TAF4B: variants seen among roughly 807,000 people sequenced by gnomAD.
TAF4B encodes the protein transcription initiation factor TFIID subunit 4B.
Under a neutral mutation model 86.4 loss-of-function variants are expected in TAF4B, and 38 were observed. The ratio of observed to expected loss-of-function variants is 0.44; its 90% CI spans 0.34 to 0.58. TAF4B has a LOEUF of 0.58. Among genes scored for constraint, TAF4B ranks in the 20% least tolerant of loss-of-function variants. The probability of loss-of-function intolerance (pLI) is 0.02; values close to 1 mark genes in which losing one functional copy is unlikely to be tolerated. For synonymous variants in TAF4B, 388 were observed against 391.2 expected (o/e 0.99, Z 0.10); for missense variants, 988 against 1,027.6 (o/e 0.96, Z 0.53).
chr18:26,285,237 G>T (rs201460903), intron 6 of TAF4B, among the ~76,000 whole-genome samples: 39 of 8,294 alleles, frequency 4.7e-3, no homozygotes, highest in Middle Eastern at 0.1. Context: ...TTTTTTTTTT[G>T]GAGATGGGGT....
At chr18:26,304,234 G>A (rs946681694) in intron 9 of TAF4B, among the ~76,000 whole-genome samples, 1 of 132,500 alleles carries the variant, frequency 7.5e-6, no homozygotes, top group African/African-American at 2.8e-5. Context: ...TAAAATATAT[G>A]TTCACATTTA....
At chr18:26,237,580 T>A (rs1175533727) in intron 1 of TAF4B, among the ~76,000 whole-genome samples, 1 of 152,128 alleles carries the variant, frequency 6.6e-6, no homozygotes. Flanking sequence ...AGGGGAGCTG[T>A]AGGGAAGCTA....
At chr18:26,288,604 C>T (rs1045547349) in intron 7 of TAF4B, among the ~76,000 whole-genome samples, 1 of 152,144 alleles carries the variant, frequency 6.6e-6, no homozygotes, top group Non-Finnish European at 1.5e-5. Flanking sequence ...CACAGCACTA[C>T]AGCCTGGGTG....
At chr18:26,319,023 A>G (rs189389891) in intron 10 of TAF4B, among the ~76,000 whole-genome samples, 20 of 151,828 alleles carry the variant, frequency 1.3e-4, no homozygotes, top group Admixed American at 3.9e-4. Flanking sequence ...GTGAGACCCA[A>G]TCTCTACAAA....
chr18:26,297,049 G>A (rs992085093), intron 9 of TAF4B, among the ~76,000 whole-genome samples: 4 of 151,700 alleles, frequency 2.6e-5, no homozygotes, highest in Non-Finnish European at 5.9e-5. Flanking sequence ...TGAGGCAGGA[G>A]AATCAGTTGA....
intron 13 of TAF4B, among the ~76,000 whole-genome samples, chr18:26,346,873 ATGTGTATATATATATATATATATATATG>A (rs2057198710): frequency 2.4e-4 from 3 of 12,288 alleles, no homozygotes; most frequent in Non-Finnish European, 3.7e-4. Flanking sequence ...ATATATATAT[ATGTGTATATATATATATATATATATATG>A]TGTGTGTATA....
chr18:26,344,662 A>T (rs1004607540), intron 13 of TAF4B, among the ~76,000 whole-genome samples: 1 of 152,244 alleles, frequency 6.6e-6, no homozygotes, highest in African/African-American at 2.4e-5. Flanking sequence ...CTGCTTTTGA[A>T]TTAAAGTATG....
At chr18:26,346,759 G>GTGTGTATATA (rs1202008455) in intron 13 of TAF4B, among the ~76,000 whole-genome samples, 2 of 27,140 alleles carry the variant, frequency 7.4e-5, no homozygotes, top group African/African-American at 1.9e-4. Context: ...ATATATGTGT[G>GTGTGTATATA]TATATATATA....
chr18:26,323,526 A>AT (rs11310174), intron 11 of TAF4B, among the ~76,000 whole-genome samples: 33 of 130,692 alleles, frequency 2.5e-4, no homozygotes, highest in African/African-American at 7.6e-4. Context: ...CACCCAACTA[A>AT]TTTTTTTTTT....
At chr18:26,358,466 T>C (rs2057305387) in intron 14 of TAF4B, among the ~76,000 whole-genome samples, 1 of 152,174 alleles carries the variant, frequency 6.6e-6, no homozygotes, top group South Asian at 2.1e-4. Flanking sequence ...ATCCCAGCAC[T>C]TTGGGAGGCC....
At chr18:26,307,351 G>C in intron 9 of TAF4B, among the ~76,000 whole-genome samples, 1 of 151,974 alleles carries the variant, frequency 6.6e-6, no homozygotes, top group East Asian at 1.9e-4. Context: ...GGTGAATTTG[G>C]GAAGCTGTAT....
At chr18:26,313,939 A>T (rs983039851) in intron 9 of TAF4B, among the ~76,000 whole-genome samples, 1 of 152,148 alleles carries the variant, frequency 6.6e-6, no homozygotes, top group East Asian at 1.9e-4. Flanking sequence ...GAGTACTGGA[A>T]TTACAGATGG....
intron 14 of TAF4B, among the ~76,000 whole-genome samples, chr18:26,380,000 T>G (rs561680358): frequency 1.3e-5 from 2 of 152,288 alleles, no homozygotes; most frequent in Admixed American, 6.5e-5. Context: ...TTGACATAGA[T>G]CTTGTATCCT....
chr18:26,365,306 C>T (rs1017001019), intron 14 of TAF4B, among the ~76,000 whole-genome samples: 1 of 152,158 alleles, frequency 6.6e-6, no homozygotes, highest in African/African-American at 2.4e-5. Context: ...CGCACCTGGC[C>T]TATAATTCTG....
At chr18:26,229,964 A>ATAT (rs1555669581) in intron 1 of TAF4B, among the ~76,000 whole-genome samples, 155 of 149,560 alleles carry the variant, frequency 1.0e-3, no homozygotes, top group African/African-American at 3.6e-3. Context: ...TTAAAAAAAA[A>ATAT]ATATATATAT....
intron 1 of TAF4B, among the ~76,000 whole-genome samples, 164 bp from the exon 2 acceptor site, chr18:26,265,006 G>A (rs1256597326): frequency 6.6e-6 from 1 of 152,168 alleles, no homozygotes; most frequent in African/African-American, 2.4e-5. Context: ...ATAGCTTGGA[G>A]TAAAAACATT....
intron 13 of TAF4B, among the ~76,000 whole-genome samples, chr18:26,342,670 T>C (rs1367445375): frequency 2.0e-5 from 3 of 152,236 alleles, no homozygotes; most frequent in African/African-American, 7.2e-5. Context: ...AGAAATAAAA[T>C]AATCTTCAAT....
At chr18:26,343,637 A>T (rs1381767604) in intron 13 of TAF4B, among the ~76,000 whole-genome samples, 1 of 152,218 alleles carries the variant, frequency 6.6e-6, no homozygotes, top group Non-Finnish European at 1.5e-5. Context: ...TACAGTTGAC[A>T]TAGGTTTGAA....
At chr18:26,265,336 T>C (rs1210578982) in intron 2 of TAF4B, 21 bp downstream of exon 2, 4 of 1,571,610 alleles carry the variant, frequency 2.5e-6, no homozygotes, top group Non-Finnish European at 3.4e-6. Context: ...TTAAATATTT[T>C]TCATCTTTCT....
Sources: allele counts gnomAD v4.1 joint callset (sites outside exome capture counted in the v4.1 genomes callset), GRCh38; gene constraint gnomAD v4.1.1; transcripts MANE v1.5; gene names NCBI Gene and HGNC (gene_info 2026-07-23, HGNC 2026-07-21).